Variants in SDK1 observed in about 807,000 individuals in gnomAD.
The protein encoded by SDK1 is sidekick cell adhesion molecule 1, also known as protein sidekick-1.
In SDK1, 157 loss-of-function variants were observed where a neutral mutation model predicts 245.5. The observed-to-expected ratio is 0.64, with a 90% confidence interval of 0.56 to 0.73. The LOEUF is 0.73. Among genes scored for constraint, SDK1 ranks in the 30% least tolerant of loss-of-function variants. The probability of loss-of-function intolerance (pLI) is 0.00; values close to 1 mark genes in which losing one functional copy is unlikely to be tolerated. For synonymous variants in SDK1, 1,647 were observed against 1,278.5 expected (o/e 1.29, Z -6.15); for missense variants, 3,583 against 3,002.3 (o/e 1.19, Z -4.52).
chr7:3,580,382 A>G (rs758014400), intron 1 of SDK1, among the ~76,000 whole-genome samples: 1 of 152,336 alleles, frequency 6.6e-6, no homozygotes, highest in East Asian at 1.9e-4. Context: ...ATGTTACCTG[A>G]CTTCAAATTA....
rs746966165 is a variant in SDK1 at position 3,555,162 on chromosome 7, C to T, written c.299-63918C>T. Among the ~76,000 whole-genome samples the T allele has an allele frequency of 5.3e-5, 8 of 152,212 alleles. 1 individual carries two copies. Among genetic ancestry groups the T allele is most frequent in the Non-Finnish European group, 8.8e-5 (6 of 68,002 alleles). ...AAAAAGAACATAACTTGAGGAGTCA[C>T]ATTTACATGACTTGAAGTTATACTA... On this transcript the variant is annotated intron_variant, in intron 1 of 44. Transcript: ENST00000404826.
At chr7:3,898,460 C>G (rs549696571) in intron 5 of SDK1, among the ~76,000 whole-genome samples, 2 of 152,286 alleles carry the variant, frequency 1.3e-5, no homozygotes, top group Admixed American at 6.5e-5. Flanking sequence ...ATGATAAATA[C>G]AAGTCATCAT....
chr7:4,100,148 C>T (rs1782439231), intron 22 of SDK1, among the ~76,000 whole-genome samples: 1 of 152,184 alleles, frequency 6.6e-6, no homozygotes, highest in African/African-American at 2.4e-5. Flanking sequence ...AGGGAATCAC[C>T]CAACATGTGG....
At chr7:3,330,271 A>G (rs1040158919) in intron 1 of SDK1, among the ~76,000 whole-genome samples, 1 of 152,222 alleles carries the variant, frequency 6.6e-6, no homozygotes, top group African/African-American at 2.4e-5. Context: ...CTAGTTTCCT[A>G]AGTGGCTGCA....
intron 4 of SDK1, among the ~76,000 whole-genome samples, chr7:3,680,048 G>A (rs1369225874): frequency 1.3e-5 from 2 of 152,094 alleles, no homozygotes; most frequent in Admixed American, 1.3e-4. Context: ...GTTCCTCAGT[G>A]GGTGAAAGAG....
intron 1 of SDK1, among the ~76,000 whole-genome samples, chr7:3,536,156 A>G (rs1778879684): frequency 1.3e-5 from 2 of 151,418 alleles, no homozygotes; most frequent in Non-Finnish European, 2.9e-5. Flanking sequence ...TCCTGGGTCC[A>G]CACCATTCTC....
chr7:3,873,350 C>G lies in SDK1; in HGVS notation c.847+51767C>G, dbSNP rs149847168. On this transcript the variant is annotated intron_variant, in intron 5 of 44. Transcript: ENST00000404826. ...TGTAGGCAATATGTCTTTTTTTCCTCTGGCTTCCTTAAATATTTTTTATTT... is the reference window on the plus strand; with the variant it reads ...TGTAGGCAATATGTCTTTTTTTCCTGTGGCTTCCTTAAATATTTTTTATTT... Among the ~76,000 whole-genome samples, 214 of 152,208 alleles carry G rather than the reference C, an allele frequency of 1.4e-3. 2 individuals are homozygous for G. The highest frequency in any genetic ancestry group is 4.6e-3 in the African/African-American group (192 of 41,558).
intron 4 of SDK1, among the ~76,000 whole-genome samples, chr7:3,810,705 A>G (rs1337345955): frequency 6.6e-6 from 1 of 152,224 alleles, no homozygotes; most frequent in Non-Finnish European, 1.5e-5. Flanking sequence ...CTCCTACTAG[A>G]CAGCATCTTT....
chr7:3,721,720 C>T (rs1385769142), intron 4 of SDK1, among the ~76,000 whole-genome samples: 1 of 151,982 alleles, frequency 6.6e-6, no homozygotes, highest in Non-Finnish European at 1.5e-5. Flanking sequence ...ATGATCTGTT[C>T]CCAGGATTAA....
intron 17 of SDK1, among the ~76,000 whole-genome samples, chr7:4,037,354 A>C (rs192855838): frequency 8.9e-4 from 133 of 149,016 alleles, no homozygotes; most frequent in African/African-American, 3.3e-3. Flanking sequence ...ATGGTGGCTC[A>C]TTACCTGTAA....
At chr7:3,965,944 G>T (rs1470710384) in intron 9 of SDK1, among the ~76,000 whole-genome samples, 1 of 151,896 alleles carries the variant, frequency 6.6e-6, no homozygotes, top group African/African-American at 2.4e-5. Flanking sequence ...ATAGGTTGGG[G>T]CTCAGTGACA....
chr7:3,580,147 A>G (rs1229579416), intron 1 of SDK1, among the ~76,000 whole-genome samples: 4 of 152,246 alleles, frequency 2.6e-5, no homozygotes, highest in African/African-American at 9.6e-5. Flanking sequence ...CAGAGATGAC[A>G]CAAACAAATA....
chr7:3,354,620 A>G (rs1301504334), intron 1 of SDK1, among the ~76,000 whole-genome samples: 1 of 152,198 alleles, frequency 6.6e-6, no homozygotes, highest in African/African-American at 2.4e-5. Flanking sequence ...TTTCATGTGT[A>G]TCAAAGCTAC....
chr7:3,722,469 C>T (rs768479049), intron 4 of SDK1, among the ~76,000 whole-genome samples: 12 of 152,108 alleles, frequency 7.9e-5, no homozygotes, highest in South Asian at 2.1e-4. Context: ...CGGCACTCAC[C>T]GCAGGGGACA....
At chr7:3,993,896 T>TA (rs1468614920) in intron 14 of SDK1, among the ~76,000 whole-genome samples, 6 of 152,326 alleles carry the variant, frequency 3.9e-5, no homozygotes, top group African/African-American at 1.2e-4. Context: ...TGAGCTCCAC[T>TA]GAGTCCACAT....
chr7:3,984,511 A>G (rs922898255), intron 13 of SDK1, among the ~76,000 whole-genome samples: 44 of 152,184 alleles, frequency 2.9e-4, no homozygotes, highest in African/African-American at 1.1e-3. Context: ...GTGTGCAGAG[A>G]CACAGCAGCT....
At chr7:3,565,045 G>C (rs1348085332) in intron 1 of SDK1, among the ~76,000 whole-genome samples, 5 of 151,918 alleles carry the variant, frequency 3.3e-5, no homozygotes, top group African/African-American at 9.7e-5. Flanking sequence ...TTGTGGGGTC[G>C]GTGGTAAGAT....
chr7:3,987,065 A>G (rs948016095), intron 13 of SDK1, 121 bp from the exon 14 acceptor site: 2 of 950,524 alleles, frequency 2.1e-6, no homozygotes, highest in Admixed American at 2.3e-5. Flanking sequence ...GTTTGGGCAT[A>G]TTTTATGTTA....
At chr7:4,190,120 G>T (rs2128222284) in intron 35 of SDK1, among the ~76,000 whole-genome samples, 1 of 152,312 alleles carries the variant, frequency 6.6e-6, no homozygotes, top group South Asian at 2.1e-4. Flanking sequence ...TTGTAGGGAA[G>T]AGTGAATGGC....
Sources: gnomAD v4.1 joint callset for allele counts (sites outside exome capture counted in the v4.1 genomes callset) on GRCh38, gnomAD v4.1.1 for gene constraint, MANE v1.5 for transcripts, NCBI Gene and HGNC (gene_info 2026-07-23, HGNC 2026-07-21) for gene names.